AGBL4: variants seen among roughly 807,000 people sequenced by gnomAD.
AGBL4 encodes the protein cytosolic carboxypeptidase 6.
Under a neutral mutation model 66.4 loss-of-function variants are expected in AGBL4, and 58 were observed. The observed-to-expected ratio is 0.87, with a 90% CI of 0.71 to 1.09. The LOEUF is 1.09. AGBL4 is among the 50% of genes least tolerant of loss of function. The probability of loss-of-function intolerance (pLI) is 0.00; values close to 1 mark genes in which losing one functional copy is unlikely to be tolerated. For synonymous variants in AGBL4, 234 were observed against 222.9 expected, an observed-to-expected ratio of 1.05 and a Z score of -0.44; for missense variants, 579 against 631.0, an observed-to-expected ratio of 0.92 and a Z score of 0.88.
intron 5 of AGBL4, among the ~76,000 whole-genome samples, chr1:49,021,726 T>G (rs565890456): frequency 1.3e-5 from 2 of 152,140 alleles, no homozygotes; most frequent in South Asian, 4.2e-4. Flanking sequence ...GGGAGAAAAT[T>G]GTTCCTTTTT....
chr1:49,618,891 C>T (rs1255181842), intron 3 of AGBL4, among the ~76,000 whole-genome samples: 1 of 152,062 alleles, frequency 6.6e-6, no homozygotes, highest in East Asian at 1.9e-4. Flanking sequence ...TCAATAGATG[C>T]AAAAATACCT....
chr1:49,728,126 T>C (rs1035098115), intron 2 of AGBL4, among the ~76,000 whole-genome samples: 1 of 152,208 alleles, frequency 6.6e-6, no homozygotes, highest in Admixed American at 6.5e-5. Context: ...AAAGTACTCC[T>C]GCCCTATATA....
chr1:48,721,867 AC>A (rs1345834713), intron 6 of AGBL4, among the ~76,000 whole-genome samples: 1 of 152,122 alleles, frequency 6.6e-6, no homozygotes, highest in Admixed American at 6.5e-5. Flanking sequence ...TAGGTCTCTG[AC>A]TTTTGTCATT....
At chr1:49,939,237 T>A (rs1047504723) in intron 1 of AGBL4, among the ~76,000 whole-genome samples, 1 of 150,444 alleles carries the variant, frequency 6.6e-6, no homozygotes, top group African/African-American at 2.4e-5. Flanking sequence ...TCCATGCTCA[T>A]GGGTAGGAAG....
chr1:48,898,559 C>T (rs1425151496), intron 5 of AGBL4, among the ~76,000 whole-genome samples: 2 of 152,212 alleles, frequency 1.3e-5, no homozygotes, highest in South Asian at 2.1e-4. Flanking sequence ...TTGAAAAGAC[C>T]ATCCTTTCCT....
chr1:49,126,398 C>T (rs543679678), intron 4 of AGBL4, among the ~76,000 whole-genome samples: 1 of 152,216 alleles, frequency 6.6e-6, no homozygotes, highest in Admixed American at 6.6e-5. Flanking sequence ...AACAGTCCTA[C>T]AACCTAAAAC....
intron 2 of AGBL4, among the ~76,000 whole-genome samples, chr1:49,832,514 T>C (rs1287204162): frequency 6.6e-6 from 1 of 151,646 alleles, no homozygotes; most frequent in Non-Finnish European, 1.5e-5. Flanking sequence ...ATATACCCAG[T>C]AATGGGATGG....
chr1:49,484,729 T>C (rs1647028186), intron 3 of AGBL4, among the ~76,000 whole-genome samples: 1 of 151,940 alleles, frequency 6.6e-6, no homozygotes, highest in Non-Finnish European at 1.5e-5. Context: ...ATTGTACATT[T>C]AAAGATAACA....
rs572710876 is a variant in AGBL4, at chr1:49,646,614, A to T, written c.282+50699T>A. Among the ~76,000 whole-genome samples, 12 of 152,090 alleles carry T rather than the reference A, an allele frequency of 7.9e-5. No homozygotes were observed. In the South Asian group the frequency reaches 2.5e-3, roughly 32 times the overall value. On this transcript the variant is annotated intron_variant, in intron 3 of 13. Transcript: ENST00000371839. The stretch of plus-strand genomic sequence containing the variant: ...AAAATGTTATTTTCTGGCTAAACTG[A>T]TCTGTAGATTCAGTGCAATCCCAAT...
At chr1:49,281,046 A>G (rs1163159616) in intron 3 of AGBL4, among the ~76,000 whole-genome samples, 1 of 152,230 alleles carries the variant, frequency 6.6e-6, no homozygotes, top group Non-Finnish European at 1.5e-5. Flanking sequence ...ATAATTAGGC[A>G]CTTTTACATT....
intron 6 of AGBL4, among the ~76,000 whole-genome samples, chr1:48,744,413 C>A (rs1337173091): frequency 1.3e-5 from 2 of 152,208 alleles, no homozygotes; most frequent in Non-Finnish European, 2.9e-5. Flanking sequence ...TTTCTCAGAT[C>A]TGGGAAAAGG....
chr1:49,025,115 T>C (rs1231312856), intron 5 of AGBL4, among the ~76,000 whole-genome samples: 1 of 152,164 alleles, frequency 6.6e-6, no homozygotes, highest in Non-Finnish European at 1.5e-5. Flanking sequence ...CTATACTAAC[T>C]TATGCACCTA....
chr1:48,782,862 A>G (rs1557990985), intron 6 of AGBL4, among the ~76,000 whole-genome samples: 1 of 152,192 alleles, frequency 6.6e-6, no homozygotes, highest in Non-Finnish European at 1.5e-5. Context: ...TGTATCCACC[A>G]TTATGGTATC....
chr1:48,994,194 C>G (rs1346580201), intron 5 of AGBL4, among the ~76,000 whole-genome samples: 1 of 152,146 alleles, frequency 6.6e-6, no homozygotes, highest in Admixed American at 6.6e-5. Flanking sequence ...GAATGTCCCA[C>G]GTAATTTCAC....
rs1394041988 is a variant in AGBL4 at position 49,873,870 on chromosome 1, T to G, written c.35-22352A>C. Among the ~76,000 whole-genome samples, 9 of 152,270 alleles carry G rather than the reference T, an allele frequency of 5.9e-5. No individual in the cohort carries two copies. The East Asian group carries it at 1.7e-3, about 29-fold the overall frequency. The stretch of plus-strand genomic sequence containing the variant: ...ACAAACAAATACCAGCAAGATTTTT[T>G]TTGTAGAAATCAAGTTGATTGTAAA... On this transcript the variant is annotated intron_variant, in intron 1 of 13. Transcript: ENST00000371839.
intron 4 of AGBL4, among the ~76,000 whole-genome samples, chr1:49,055,021 C>A (rs1644285067): frequency 6.6e-6 from 1 of 151,820 alleles, no homozygotes; most frequent in Admixed American, 6.6e-5. Context: ...GTTGTCTTTA[C>A]AAAAGCAAGA....
intron 3 of AGBL4, among the ~76,000 whole-genome samples, chr1:49,305,147 A>G (rs376527868): frequency 1.3e-5 from 2 of 152,344 alleles, no homozygotes; most frequent in African/African-American, 4.8e-5. Context: ...GTCAACATTT[A>G]TAATAAGCTA....
intron 3 of AGBL4, among the ~76,000 whole-genome samples, chr1:49,330,837 G>A (rs1007335407): frequency 6.6e-6 from 1 of 152,240 alleles, no homozygotes; most frequent in East Asian, 1.9e-4. Context: ...TTAAAGGGGC[G>A]AGTAAATTCA....
rs980387059 is a variant in AGBL4 at position 49,809,327 on chromosome 1, G to T, written c.157+42069C>A. On this transcript the variant is annotated intron_variant, in intron 2 of 13. Transcript: ENST00000371839. Reference sequence around the variant, plus strand: ...CCCCCTCCCCCCACGACAGGCCCTGGTGTGTAATGATCCCCACCCTGTGTC... The same window carrying T: ...CCCCCTCCCCCCACGACAGGCCCTGTTGTGTAATGATCCCCACCCTGTGTC... Among the ~76,000 whole-genome samples, 6 of 130,636 alleles carry T rather than the reference G, an allele frequency of 4.6e-5. No individual in the cohort carries two copies. In the East Asian group the frequency reaches 1.3e-3, roughly 29 times the overall value. The allele number at this position is 130,636 out of a possible 152,430, so 85.7% of individuals were successfully genotyped here.
Sources: gnomAD v4.1 joint callset for allele counts (sites outside exome capture counted in the v4.1 genomes callset) on GRCh38, gnomAD v4.1.1 for gene constraint, MANE v1.5 for transcripts, NCBI Gene and HGNC (gene_info 2026-07-23, HGNC 2026-07-21) for gene names.